Variants in DNAJC16 observed in about 807,000 individuals in gnomAD.
DNAJC16 encodes the protein DnaJ heat shock protein family (Hsp40) member C16, also known as dnaJ homolog subfamily C member 16.
A neutral mutation model predicts 92.7 loss-of-function variants in DNAJC16; 76 were observed. The ratio of observed to expected loss-of-function variants is 0.82; its 90% CI spans 0.68 to 0.99. DNAJC16 has a LOEUF of 0.99. DNAJC16 is among the 50% of genes least tolerant of loss of function. DNAJC16 has a pLI of 0.00. For synonymous variants in DNAJC16, 328 were observed against 358.7 expected (o/e 0.91, Z 0.97); for missense variants, 869 against 942.4 (o/e 0.92, Z 1.02).
chr1:15,530,394 G>C (rs1710626214), intron 2 of DNAJC16, among the ~76,000 whole-genome samples: 1 of 152,130 alleles, frequency 6.6e-6, no homozygotes, highest in African/African-American at 2.4e-5. Context: ...TAGTTATCAG[G>C]ATAGCAATTA....
In DNAJC16 at chr1:15,557,194, CTT is replaced by C. The variant is rs572393297; in HGVS notation, c.1024-2330_1024-2329del. Among the ~76,000 whole-genome samples, 25 of 152,284 alleles carry C rather than the reference CTT, an allele frequency of 1.6e-4. No individual in the cohort carries two copies. In the East Asian group the frequency reaches 4.8e-3, roughly 29 times the overall value. ...GTTGCTTTTTCTCTTCTCAGGAAGA[CTT>C]TATGTGAGATTGTCTTCCTTGAAAG... On this transcript the variant is annotated intron_variant, in intron 7 of 14. Coordinates refer to ENST00000375847, the MANE Select transcript of DNAJC16 (RefSeq NM_015291.4).
chr1:15,547,609 A>C (rs1030542240), intron 6 of DNAJC16, among the ~76,000 whole-genome samples: 1 of 149,904 alleles, frequency 6.7e-6, no homozygotes, highest in African/African-American at 2.5e-5. Flanking sequence ...CGCTCGGCTA[A>C]TTTTTGTGTT....
chr1:15,552,589 A>G (rs547429197), intron 7 of DNAJC16, among the ~76,000 whole-genome samples: 1 of 152,132 alleles, frequency 6.6e-6, no homozygotes, highest in South Asian at 2.1e-4. Context: ...ACATGAGTAA[A>G]AGATCCATTA....
Position 15,569,714 on chromosome 1 carries a change from C to T in DNAJC16, c.*1537C>T, listed in dbSNP as rs1012521373. The T allele has an allele frequency of 6.7e-6, 1 of 148,492 alleles. No individual in the cohort carries two copies. The highest frequency in any genetic ancestry group is 2.5e-5 in the African/African-American group (1 of 40,220). 9.2% of individuals were successfully genotyped at this position (148,492 alleles called of 1,614,324 possible). A position where few individuals can be genotyped will look rare whatever the true frequency, so the allele number is the denominator to read the frequency against. On this transcript the variant is annotated 3_prime_UTR_variant, in exon 15 of 15. Transcript: ENST00000375847. ...GGAGTGAAATGGTGCGATCTCGGTT[C>T]ACCGCAACCTCCACATCCCAGGTTC...
At chr1:15,554,762 T>C (rs899541669) in intron 7 of DNAJC16, among the ~76,000 whole-genome samples, 1 of 152,166 alleles carries the variant, frequency 6.6e-6, no homozygotes, top group Non-Finnish European at 1.5e-5. Context: ...TAAGTCGGTT[T>C]GGGGAGGATA....
At chr1:15,541,503 A>C (rs1476073384) in intron 4 of DNAJC16, among the ~76,000 whole-genome samples, 1 of 152,190 alleles carries the variant, frequency 6.6e-6, no homozygotes, top group Non-Finnish European at 1.5e-5. Flanking sequence ...GAAGCGGACT[A>C]TACAATTCCT....
chr1:15,559,493 A>G (rs1171213761), intron 7 of DNAJC16, 33 bp from the exon 8 acceptor site: 2 of 1,613,274 alleles, frequency 1.2e-6, no homozygotes, highest in South Asian at 1.1e-5. Flanking sequence ...AGAACACTGC[A>G]TAAAATCTAG....
intron 6 of DNAJC16, among the ~76,000 whole-genome samples, chr1:15,547,168 A>G (rs1030755962): frequency 4.7e-5 from 7 of 147,748 alleles, no homozygotes; most frequent in Admixed American, 1.3e-4. Context: ...TTTTTGAGAC[A>G]GAGTCTCGCT....
chr1:15,548,571 T>A, intron 7 of DNAJC16, 143 bp downstream of exon 7: 2 of 841,016 alleles, frequency 2.4e-6, no homozygotes, highest in Non-Finnish European at 3.4e-6. Context: ...TTTTTTTATC[T>A]AACTTGGTAC....
At position 15,536,806 on chromosome 1, in the gene DNAJC16, AAG is replaced by A. The variant is rs1710801630; in HGVS notation, c.568_569del (p.Glu190IlefsTer13). The A allele has an allele frequency of 6.3e-7, 1 of 1,596,004 alleles. No homozygotes were observed. The highest frequency in any genetic ancestry group is 1.4e-5 in the African/African-American group (1 of 73,766). On this transcript the variant is annotated frameshift_variant, in exon 4 of 15. Coordinates refer to ENST00000375847, the MANE Select transcript of DNAJC16 (RefSeq NM_015291.4). LOFTEE classifies it high-confidence loss of function. ...TGGAAAGAAGTCATTCAAGAACTGG[AAG>A]AATTGGGTAAGATAATTTTATTCAC...
chr1:15,562,274 G>A lies in DNAJC16; in HGVS notation c.1287G>A (p.Glu429=), dbSNP rs1290055213. 1 of 1,614,120 alleles carries A rather than the reference G, an allele frequency of 6.2e-7. No individual in the cohort carries two copies. The highest frequency in any genetic ancestry group is 1.7e-5 in the Admixed American group (1 of 60,014). Residue 429 remains glutamate (E), a synonymous_variant, in exon 9 of 15, where the codon GAG becomes GAA. Transcript: ENST00000375847. ...FVHVYSNRQQ[E]FADTLLPDSE... ...ATGTCTACAGCAATCGGCAGCAGGA[G>A]TTTGCCGACACCTTACTACCAGACA...
At chr1:15,543,506 G>T (rs1051270324) in intron 4 of DNAJC16, among the ~76,000 whole-genome samples, 2 of 152,212 alleles carry the variant, frequency 1.3e-5, no homozygotes, top group Non-Finnish European at 1.5e-5. Flanking sequence ...AAAGGGTCTT[G>T]TTGGCCTCTG....
chr1:15,551,753 A>G (rs967058295), intron 7 of DNAJC16, among the ~76,000 whole-genome samples: 6 of 152,094 alleles, frequency 3.9e-5, no homozygotes, highest in African/African-American at 1.4e-4. Context: ...AGCTGAGACT[A>G]CAGGCATGCA....
intron 13 of DNAJC16, 71 bp downstream of exon 13, chr1:15,566,251 G>C: frequency 8.0e-7 from 1 of 1,254,026 alleles, no homozygotes; most frequent in South Asian, 1.2e-5. Context: ...TGATAACGCA[G>C]CATTGGAACA....
rs189115164 is a variant in DNAJC16 at position 15,536,481 on chromosome 1, T to G, written c.241T>G (p.Ser81Ala). ...IQISKAYEIL[S>A]NEEKRSNYDQ... Reference sequence around the variant, plus strand: ...TTTTTTTCTTCCTTTATAGATTCTTTCAAATGAAGAAAAGAGATCAAATTA... The same window carrying G: ...TTTTTTTCTTCCTTTATAGATTCTTGCAAATGAAGAAAAGAGATCAAATTA... Residue 81 changes from serine (S) to alanine (A), a missense_variant, in exon 4 of 15, where the codon TCA becomes GCA. By Grantham distance (99) the Ser-to-Ala change is moderately conservative. Transcript: ENST00000375847. 2 of 1,575,248 alleles carry G rather than the reference T, an allele frequency of 1.3e-6. No individual in the cohort carries two copies. The highest frequency in any genetic ancestry group is 2.7e-5 in the African/African-American group (2 of 72,832).
chr1:15,562,435 C>T (rs1638712269), intron 9 of DNAJC16, 110 bp downstream of exon 9: 1 of 1,154,400 alleles, frequency 8.7e-7, no homozygotes. Context: ...AAATCTGAAA[C>T]TCTGAAGCCT....
chr1:15,563,373 A>G (rs954907719), intron 9 of DNAJC16, among the ~76,000 whole-genome samples: 1 of 151,902 alleles, frequency 6.6e-6, no homozygotes. Context: ...TACTAAAAAT[A>G]CAAAAATTAG....
At position 15,568,409 on chromosome 1, in the gene DNAJC16, A is replaced by G; in HGVS notation, c.*232A>G. 1.8e-6 allele frequency: 1 copy of G among 543,898 alleles called. No individual in the cohort carries two copies. Among genetic ancestry groups the G allele is most frequent in the Non-Finnish European group, 3.2e-6 (1 of 309,826 alleles). 33.7% of individuals were successfully genotyped at this position (543,898 alleles called of 1,614,324 possible). On this transcript the variant is annotated 3_prime_UTR_variant, in exon 15 of 15. Coordinates refer to ENST00000375847, the MANE Select transcript of DNAJC16 (RefSeq NM_015291.4). Reference sequence around the variant, plus strand: ...TTTCCTCTGGGTGTTATTTTTCCCCACTGAATGCCACACCATTGAAAATAG... The same window carrying G: ...TTTCCTCTGGGTGTTATTTTTCCCCGCTGAATGCCACACCATTGAAAATAG...
At chr1:15,561,252 T>C (rs1022678183) in intron 8 of DNAJC16, among the ~76,000 whole-genome samples, 6 of 152,142 alleles carry the variant, frequency 3.9e-5, no homozygotes, top group African/African-American at 1.4e-4. Flanking sequence ...CAGTAAATAT[T>C]TTTGGGAGAA....
Sources: allele counts gnomAD v4.1 joint callset (sites outside exome capture counted in the v4.1 genomes callset), GRCh38; gene constraint gnomAD v4.1.1; transcripts MANE v1.5; gene names NCBI Gene and HGNC (gene_info 2026-07-23, HGNC 2026-07-21).